KIAA2012: variants seen among roughly 807,000 people sequenced by gnomAD.
KIAA2012 encodes the protein uncharacterized protein KIAA2012.
A neutral mutation model predicts 150.6 loss-of-function variants in KIAA2012; 125 were observed. That is an observed-to-expected ratio of 0.83 (90% confidence interval 0.72 to 0.96). The LOEUF is 0.96. KIAA2012 is among the 40% of genes least tolerant of loss of function. The pLI is 0.00. For missense variants in KIAA2012, 1,219 were observed against 1,354.9 expected (o/e 0.90, Z 1.57); for synonymous variants, 462 against 504.7 (o/e 0.92, Z 1.13).
intron 10 of KIAA2012, among the ~76,000 whole-genome samples, chr2:202,111,544 A>C: frequency 1.3e-5 from 2 of 148,854 alleles, no homozygotes; most frequent in Admixed American, 6.7e-5. Flanking sequence ...AAAGGATAGA[A>C]TGCCAGGACC....
rs1664617052 is a variant in KIAA2012 at position 202,100,432 on chromosome 2, G to C, written c.1138G>C (p.Glu380Gln). The C allele has an allele frequency of 6.5e-7, 1 of 1,550,266 alleles. No homozygotes were observed. The highest frequency in any genetic ancestry group is 2.4e-5 in the East Asian group (1 of 40,924). The stretch of plus-strand genomic sequence containing the variant: ...TGGCTCCAGAATAATCACCCCTGGG[G>C]AAGTGAAGAAGAAAAAGGTTGTGTG... ...ATGSRIITPG[E>Q]VKKKKAPKAL... is the part of the protein sequence containing the mutation. The change falls in exon 7 of 24, where the codon GAA becomes CAA. Residue 380 changes from glutamate to glutamine, a missense_variant. Transcript: ENST00000498697.
At position 202,190,205 on chromosome 2, in the gene KIAA2012, A is replaced by G. The variant is rs976376207; in HGVS notation, c.2523A>G (p.Lys841=). The G allele has an allele frequency of 6.6e-7, 1 of 1,521,122 alleles. No individual in the cohort carries two copies. The highest frequency in any genetic ancestry group is 8.8e-7 in the Non-Finnish European group (1 of 1,139,826). 94.2% of individuals were successfully genotyped at this position (1,521,122 alleles called of 1,614,324 possible). ...CAAAGGACTCAAAGGCTAAAAAAAAATTAGAAAAAAAAACAAGACCCCAAA... is the reference window on the plus strand; with the variant it reads ...CAAAGGACTCAAAGGCTAAAAAAAAGTTAGAAAAAAAAACAAGACCCCAAA... The part of the protein sequence containing the change: ...GKSKDSKAKK[K]LEKKTRPQRK... Residue 841 remains lysine (K), a synonymous_variant, in exon 19 of 24, where the codon AAA becomes AAG. Coordinates refer to ENST00000498697, the MANE Select transcript of KIAA2012 (RefSeq NM_001277372.4).
Position 202,134,763 on chromosome 2 carries a change from C to T in KIAA2012, c.1832-3669C>T, listed in dbSNP as rs190209263. Among the ~76,000 whole-genome samples, 229 of 152,336 alleles carry T rather than the reference C, an allele frequency of 1.5e-3. 2 individuals carry two copies. Among genetic ancestry groups the T allele is most frequent in the African/African-American group, 5.4e-3 (223 of 41,568 alleles). On this transcript the variant is annotated intron_variant, in intron 12 of 23. Transcript: ENST00000498697. ...AGAGACAGGGTTTCACCATGTTGGC[C>T]AGGCTAGTCTCAAACTCCTGACCTC...
chr2:202,193,342 C>G lies in KIAA2012; in HGVS notation c.2853C>G (p.Asp951Glu), dbSNP rs949055367. ...GGGAGCAGGAGAAGGCTTCCTGGGA[C>G]AGGCTTCGAGCAGAAAGAGCCGAGA... ...TKREQEKASW[D>E]RLRAERAEMR... Residue 951 changes from aspartate to glutamate, a missense_variant, in exon 20 of 24, where the codon GAC (aspartate) becomes GAG (glutamate). Asp to Glu is a conservative substitution (Grantham distance 45). Transcript: ENST00000498697. 6.5e-6 allele frequency: 10 copies of G among 1,549,954 alleles called. No individual in the cohort carries two copies. Among genetic ancestry groups the G allele is most frequent in the Admixed American group, 2.0e-5 (1 of 50,954 alleles).
chr2:202,178,480 T>C (rs569728582), intron 15 of KIAA2012, among the ~76,000 whole-genome samples: 39 of 152,278 alleles, frequency 2.6e-4, no homozygotes, highest in African/African-American at 8.2e-4. Flanking sequence ...TCAATTCTAA[T>C]CACAATGGAA....
At chr2:202,166,253 A>G (rs962821608) in intron 15 of KIAA2012, among the ~76,000 whole-genome samples, 6 of 152,258 alleles carry the variant, frequency 3.9e-5, no homozygotes, top group African/African-American at 1.4e-4. Flanking sequence ...AAATTAAAGA[A>G]GGCATTTTCC....
chr2:202,160,239 A>G (rs1399642120), intron 14 of KIAA2012, among the ~76,000 whole-genome samples: 1 of 151,764 alleles, frequency 6.6e-6, no homozygotes, highest in Non-Finnish European at 1.5e-5. Flanking sequence ...CCAAGAAGGG[A>G]GCAGAGATTT....
chr2:202,192,454 CTTT>C (rs71406952), intron 19 of KIAA2012, among the ~76,000 whole-genome samples: 8 of 120,360 alleles, frequency 6.6e-5, no homozygotes, highest in South Asian at 2.7e-4. Flanking sequence ...AAAATAGCTT[CTTT>C]TTTTTTTTTT....
At chr2:202,075,325 C>T (rs1203418216) in intron 2 of KIAA2012, 150 bp downstream of exon 2, 4 of 917,586 alleles carry the variant, frequency 4.4e-6, no homozygotes, top group Non-Finnish European at 6.4e-6. Flanking sequence ...ATTGACTGTA[C>T]TCTTAGCCCT....
intron 22 of KIAA2012, among the ~76,000 whole-genome samples, chr2:202,200,999 C>A (rs550185202): frequency 5.3e-5 from 8 of 152,282 alleles, no homozygotes; most frequent in African/African-American, 1.9e-4. Flanking sequence ...AGCCACCGCG[C>A]CTGGCCGTAA....
At chr2:202,082,766 T>C (rs1689480353) in intron 2 of KIAA2012, among the ~76,000 whole-genome samples, 1 of 152,194 alleles carries the variant, frequency 6.6e-6, no homozygotes, top group Non-Finnish European at 1.5e-5. Flanking sequence ...TCTAAGAGTT[T>C]TACAGTTTTA....
intron 22 of KIAA2012, among the ~76,000 whole-genome samples, chr2:202,199,043 G>A (rs75742307): frequency 1.7e-4 from 26 of 152,276 alleles, no homozygotes; most frequent in South Asian, 2.1e-4. Flanking sequence ...AAACTATTGG[G>A]AGTTCCAACT....
chr2:202,141,510 TCCCCA>T (rs1691197004), intron 13 of KIAA2012, among the ~76,000 whole-genome samples: 2 of 152,116 alleles, frequency 1.3e-5, no homozygotes, highest in African/African-American at 4.8e-5. Flanking sequence ...ATGAACTGCT[TCCCCA>T]CTGTGAACAG....
Position 202,132,802 on chromosome 2 carries a change from A to ATATTT in KIAA2012, c.1832-5629_1832-5628insATTTT, listed in dbSNP as rs1473790947. Among the ~76,000 whole-genome samples, 234 of 94,684 alleles carry ATATTT rather than the reference A, an allele frequency of 2.5e-3. 1 individual carries two copies. The highest frequency in any genetic ancestry group is 0.011 in the East Asian group (38 of 3,424). 62.1% of individuals were successfully genotyped at this position (94,684 alleles called of 152,430 possible). On this transcript the variant is annotated intron_variant, in intron 12 of 23. Transcript: ENST00000498697. ...TATATATATGCGTATATATATATAT[A>ATATTT]TTTTTTTTTTCAGGCCAGGCACAGT...
chr2:202,086,766 A>C (rs1335146455), intron 2 of KIAA2012, among the ~76,000 whole-genome samples: 1 of 152,112 alleles, frequency 6.6e-6, no homozygotes, highest in Non-Finnish European at 1.5e-5. Context: ...TCTGGCCCTA[A>C]ATCTAGAGCG....
At chr2:202,125,932 CTGCTTTTT>C (rs1220692527) in intron 12 of KIAA2012, 7 of 226,388 alleles carry the variant, frequency 3.1e-5, no homozygotes, top group East Asian at 1.9e-4. Context: ...GTGTTCCTGG[CTGCTTTTT>C]TTTTTTTTTT....
At chr2:202,146,865 T>C (rs936192299) in intron 13 of KIAA2012, among the ~76,000 whole-genome samples, 9 of 152,174 alleles carry the variant, frequency 5.9e-5, no homozygotes, top group Non-Finnish European at 1.2e-4. Flanking sequence ...AGGCAGGCTA[T>C]TTAACCTCTC....
Position 202,073,409 on chromosome 2 carries a change from G to A in KIAA2012, c.-219G>A, listed in dbSNP as rs1211465029. ...AGGGCTTGAGGAGGCTGGCTGTGCG[G>A]TTTATTTTTTCTCTCCACAAAGACA... is the stretch of plus-strand genomic sequence containing the variant. On this transcript the variant is annotated 5_prime_UTR_variant, in exon 1 of 24. Transcript: ENST00000498697. 4.1e-6 allele frequency: 2 copies of A among 486,812 alleles called. No homozygotes were observed. The highest frequency in any genetic ancestry group is 7.4e-6 in the Non-Finnish European group (2 of 271,538). The allele number at this position is 486,812 out of a possible 1,614,324, so 30.2% of individuals were successfully genotyped here. A position where few individuals can be genotyped will look rare whatever the true frequency, so the allele number is the denominator to read the frequency against.
chr2:202,084,872 T>C (rs1450883650), intron 2 of KIAA2012, among the ~76,000 whole-genome samples: 1 of 152,218 alleles, frequency 6.6e-6, no homozygotes, highest in Admixed American at 6.5e-5. Context: ...CTATTTGTAA[T>C]CTTATGCCCA....
Sources: allele counts gnomAD v4.1 joint callset (sites outside exome capture counted in the v4.1 genomes callset), GRCh38; gene constraint gnomAD v4.1.1; transcripts MANE v1.5; gene names NCBI Gene and HGNC (gene_info 2026-07-23, HGNC 2026-07-21).